RAP1GAP2: variants seen among roughly 807,000 people sequenced by gnomAD.
RAP1GAP2 encodes rap1 GTPase-activating protein 2.
In RAP1GAP2, 27 loss-of-function variants were observed where a neutral mutation model predicts 95.0. The observed-to-expected ratio is 0.28, with a 90% CI of 0.21 to 0.39. The LOEUF is 0.39. Among genes scored for constraint, RAP1GAP2 ranks in the 10% least tolerant of loss-of-function variants. The pLI is 1.00. For synonymous variants in RAP1GAP2, 373 were observed against 380.9 expected (o/e 0.98, Z 0.24); for missense variants, 771 against 970.0 (o/e 0.79, Z 2.72).
At chr17:2,787,297 CT>C (rs935159224) in intron 1 of RAP1GAP2, among the ~76,000 whole-genome samples, 9 of 137,874 alleles carry the variant, frequency 6.5e-5, no homozygotes, top group African/African-American at 1.9e-4. Flanking sequence ...CAGAGTCTTG[CT>C]TTTTGGCCAC....
At chr17:2,818,498 A>ATT (rs574815706) in intron 2 of RAP1GAP2, among the ~76,000 whole-genome samples, 109 of 149,134 alleles carry the variant, frequency 7.3e-4, no homozygotes, top group Admixed American at 4.3e-3. Flanking sequence ...TAATTTTTGT[A>ATT]TTTTTTTTTA....
chr17:2,872,760 T>C (rs1232082318), intron 2 of RAP1GAP2, among the ~76,000 whole-genome samples: 2 of 151,952 alleles, frequency 1.3e-5, no homozygotes, highest in Non-Finnish European at 2.9e-5. Context: ...GTGTGAACAC[T>C]GCAGCTTTGA....
At position 2,963,372 on chromosome 17, in the gene RAP1GAP2, G is replaced by A; in HGVS notation, c.247-58G>A. ...CCCCTTGCAAGACCTGGAAACAGTG[G>A]TCAGACTTTACGGGCACTGCCGGGA... On this transcript the variant is annotated intron_variant, in intron 5 of 24. Transcript: ENST00000254695. This position sits in a 1 kb window ranked among gnomAD's most constrained non-coding sequence, Gnocchi z 4.8. 1 of 1,609,742 alleles carries A rather than the reference G, an allele frequency of 6.2e-7. No homozygotes were observed. Among genetic ancestry groups the A allele is most frequent in the Non-Finnish European group, 8.5e-7 (1 of 1,176,368 alleles).
intron 2 of RAP1GAP2, among the ~76,000 whole-genome samples, chr17:2,862,230 C>T (rs2072429671): frequency 6.6e-6 from 1 of 152,208 alleles, no homozygotes; most frequent in Non-Finnish European, 1.5e-5. Context: ...GGTCCTGGAA[C>T]TGCCGCCTGA....
rs1310831555 is a variant in RAP1GAP2, at chr17:3,027,038, C to T, written c.2075C>T (p.Ala692Val). The stretch of plus-strand genomic sequence containing the variant: ...GAGAGCCCCAGCCTGGGGGCAGCTG[C>T]CACCCCGATCATCATGAGCCGGAGT... ...SSESPSLGAA[A>V]TPIIMSRSPT... The change falls in exon 22 of 25, where the codon GCC becomes GTC. Residue 692 changes from alanine (A) to valine (V), a missense_variant. Ala to Val is a moderately conservative substitution (Grantham distance 64, BLOSUM62 0). Transcript: ENST00000254695. This position sits in a 1 kb window ranked among gnomAD's most constrained non-coding sequence, Gnocchi z 5.2. 2.5e-6 allele frequency: 4 copies of T among 1,576,556 alleles called. No homozygotes were observed. The highest frequency in any genetic ancestry group is 2.7e-5 in the African/African-American group (2 of 74,032).
At position 2,904,300 on chromosome 17, in the gene RAP1GAP2, G is replaced by A. The variant is rs1027755983; in HGVS notation, c.81-984G>A. Reference sequence around the variant, plus strand: ...CTGAAGGCTGATCCCATGCCAAACCGTCTGCTTGGTGATGGGACCGCACAC... The same window carrying A: ...CTGAAGGCTGATCCCATGCCAAACCATCTGCTTGGTGATGGGACCGCACAC... On this transcript the variant is annotated intron_variant, in intron 2 of 24. Transcript: ENST00000254695. This position sits in a 1 kb window ranked among gnomAD's most constrained non-coding sequence, Gnocchi z 4.7. Among the ~76,000 whole-genome samples, 4 of 152,196 alleles carry A rather than the reference G, an allele frequency of 2.6e-5. No individual in the cohort carries two copies. The highest frequency in any genetic ancestry group is 6.5e-5 in the Admixed American group (1 of 15,280).
At chr17:2,802,607 C>A (rs11870485) in intron 2 of RAP1GAP2, among the ~76,000 whole-genome samples, 26,538 of 151,976 alleles carry the variant, frequency 0.17, 2,403 homozygotes, top group East Asian at 0.2. Flanking sequence ...GCTACTCGGC[C>A]GACTGAGGCA....
At chr17:2,786,641 T>G (rs972377953) in intron 1 of RAP1GAP2, among the ~76,000 whole-genome samples, 1 of 55,230 alleles carries the variant, frequency 1.8e-5, no homozygotes, top group Non-Finnish European at 3.7e-5. Context: ...TTTTCTTCAA[T>G]TTTTTTTTTT....
intron 1 of RAP1GAP2, among the ~76,000 whole-genome samples, chr17:2,763,199 G>A (rs933119042): frequency 4.6e-5 from 7 of 152,182 alleles, no homozygotes; most frequent in South Asian, 4.1e-4. Context: ...GATCATCTGT[G>A]TCAGAGCATT....
At chr17:2,942,674 T>C (rs2043541028) in intron 3 of RAP1GAP2, among the ~76,000 whole-genome samples, 1 of 152,206 alleles carries the variant, frequency 6.6e-6, no homozygotes, top group Admixed American at 6.5e-5. Context: ...GAAATTTATA[T>C]AACATAAAAT....
Position 2,985,014 on chromosome 17 carries a change from A to G in RAP1GAP2, c.761A>G (p.His254Arg). 1 of 1,613,778 alleles carries G rather than the reference A, an allele frequency of 6.2e-7. No homozygotes were observed. Among genetic ancestry groups the G allele is most frequent in the Non-Finnish European group, 8.5e-7 (1 of 1,179,862 alleles). The change falls in exon 11 of 25, where the codon CAT becomes CGT. Residue 254 changes from histidine (H) to arginine (R), a missense_variant. Coordinates refer to ENST00000254695, the MANE Select transcript of RAP1GAP2 (RefSeq NM_015085.5). The part of the protein sequence containing the change: ...ASQMIVSYDE[H>R]EVNNTFKFGV... ...CAAATGATTGTGTCCTATGATGAGC[A>G]TGAAGTCAACAACACATTCAAATTC...
intron 3 of RAP1GAP2, among the ~76,000 whole-genome samples, chr17:2,927,391 G>C (rs1162673304): frequency 1.3e-5 from 2 of 151,596 alleles, no homozygotes; most frequent in East Asian, 2.0e-4. Flanking sequence ...CTGACCTCGT[G>C]ATCCGCCCGC....
At chr17:2,763,893 T>G (rs1378811451) in intron 1 of RAP1GAP2, among the ~76,000 whole-genome samples, 1 of 151,914 alleles carries the variant, frequency 6.6e-6, no homozygotes, top group South Asian at 2.1e-4. Context: ...TGAGTGAGCC[T>G]GCTCTTCTTT....
At chr17:2,909,744 A>G (rs144987946) in intron 3 of RAP1GAP2, among the ~76,000 whole-genome samples, 163 of 152,072 alleles carry the variant, frequency 1.1e-3, no homozygotes, top group African/African-American at 3.8e-3. Context: ...CAGCTCAGCA[A>G]TTTCCCAGCC....
Position 3,003,320 on chromosome 17 carries a change from C to T in RAP1GAP2, c.1201-2049C>T, listed in dbSNP as rs1029770328. Among the ~76,000 whole-genome samples, 4 of 152,166 alleles carry T rather than the reference C, an allele frequency of 2.6e-5. No individual in the cohort carries two copies. The highest frequency in any genetic ancestry group is 9.7e-5 in the African/African-American group (4 of 41,436). On this transcript the variant is annotated intron_variant, in intron 14 of 24. Transcript: ENST00000254695. The surrounding 1 kb of genome is among the most constrained non-coding windows in gnomAD (Gnocchi z 4.1). Reference sequence around the variant, plus strand: ...GAAATGAGTGTAGTCCTCATCCTGCCTGCTTGGAAGGAAAGTCCAGCTCAG... The same window carrying T: ...GAAATGAGTGTAGTCCTCATCCTGCTTGCTTGGAAGGAAAGTCCAGCTCAG...
chr17:2,959,469 C>A (rs776883815), intron 4 of RAP1GAP2, among the ~76,000 whole-genome samples: 1 of 152,216 alleles, frequency 6.6e-6, no homozygotes, highest in Non-Finnish European at 1.5e-5. Flanking sequence ...CCCCTGGGCC[C>A]AGCCTCAGAG....
In RAP1GAP2 at chr17:2,855,865, C is replaced by T. The variant is rs1046297532; in HGVS notation, c.81-49419C>T. On this transcript the variant is annotated intron_variant, in intron 2 of 24. Coordinates refer to ENST00000254695, the MANE Select transcript of RAP1GAP2 (RefSeq NM_015085.5). The surrounding 1 kb of genome is among the most constrained non-coding windows in gnomAD (Gnocchi z 4.3). ...CTGAGCTCAGGCGATCCACCTGCCT[C>T]GGCCTCTCAAAGTGCTGGGATTACA... Among the ~76,000 whole-genome samples, 1 of 152,214 alleles carries T rather than the reference C, an allele frequency of 6.6e-6. No individual in the cohort carries two copies. The highest frequency in any genetic ancestry group is 1.9e-4 in the East Asian group (1 of 5,198).
At chr17:2,993,814 C>T (rs976323066) in intron 12 of RAP1GAP2, among the ~76,000 whole-genome samples, 10 of 152,016 alleles carry the variant, frequency 6.6e-5, no homozygotes, top group Non-Finnish European at 2.9e-5. Flanking sequence ...GCGGGTGGAT[C>T]GCTTGAGCCC....
At chr17:2,934,954 A>T (rs2043257891) in intron 3 of RAP1GAP2, among the ~76,000 whole-genome samples, 1 of 152,146 alleles carries the variant, frequency 6.6e-6, no homozygotes, top group Non-Finnish European at 1.5e-5. Flanking sequence ...ATTCCAGCTG[A>T]GGGGCTTCAG....
Sources: gnomAD v4.1 joint callset for allele counts (sites outside exome capture counted in the v4.1 genomes callset) on GRCh38, gnomAD v4.1.1 for gene constraint, Gnocchi (gnomAD v3.1) non-coding constraint, MANE v1.5 for transcripts, NCBI Gene and HGNC (gene_info 2026-07-23, HGNC 2026-07-21) for gene names.